Variants in TSPAN5 observed in about 807,000 individuals in gnomAD.
The protein encoded by TSPAN5 is tetraspanin 5, also known as tetraspanin-5.
Under a neutral mutation model 37.1 loss-of-function variants are expected in TSPAN5, and 10 were observed. That is an observed-to-expected ratio of 0.27 (90% CI 0.17 to 0.46). The LOEUF is 0.46. Ranked by LOEUF, TSPAN5 falls within the 20% of genes least tolerant of loss-of-function variation. The probability of loss-of-function intolerance (pLI) is 1.00; values close to 1 mark genes in which losing one functional copy is unlikely to be tolerated. For synonymous variants in TSPAN5, 110 were observed against 118.9 expected, an observed-to-expected ratio of 0.93 and a Z score of 0.48; for missense variants, 195 against 326.6, an observed-to-expected ratio of 0.60 and a Z score of 3.11.
intron 1 of TSPAN5, among the ~76,000 whole-genome samples, chr4:98,650,511 T>C (rs978243773): frequency 6.6e-6 from 1 of 151,856 alleles, no homozygotes; most frequent in African/African-American, 2.4e-5. Context: ...GAACCAAGAA[T>C]CTCACTGTCA....
intron 1 of TSPAN5, among the ~76,000 whole-genome samples, chr4:98,549,916 A>T: frequency 6.7e-6 from 1 of 150,372 alleles, no homozygotes. Context: ...CTCCATTTTT[A>T]TTTTCATTGT....
intron 1 of TSPAN5, among the ~76,000 whole-genome samples, chr4:98,620,077 C>A (rs1406579919): frequency 2.0e-5 from 3 of 152,174 alleles, no homozygotes; most frequent in African/African-American, 4.8e-5. Context: ...TGAAACTCCT[C>A]CCACTGAGAG....
intron 1 of TSPAN5, among the ~76,000 whole-genome samples, chr4:98,561,900 G>A: frequency 6.6e-6 from 1 of 152,188 alleles, no homozygotes; most frequent in East Asian, 1.9e-4. Context: ...GCTGCGTCCT[G>A]AAATTCCAGC....
At chr4:98,484,827 T>G in intron 3 of TSPAN5, 1 of 281,846 alleles carries the variant, frequency 3.5e-6, no homozygotes, top group East Asian at 9.0e-5. Flanking sequence ...ATTCAGAGGA[T>G]CCCAGCCAGG....
At chr4:98,495,507 G>A (rs1306142832) in intron 2 of TSPAN5, among the ~76,000 whole-genome samples, 1 of 143,650 alleles carries the variant, frequency 7.0e-6, no homozygotes, top group African/African-American at 2.6e-5. Context: ...ACTACAGCCC[G>A]GGAGACAGAG....
chr4:98,587,725 T>C (rs1393154719), intron 1 of TSPAN5, among the ~76,000 whole-genome samples: 1 of 151,968 alleles, frequency 6.6e-6, no homozygotes, highest in Non-Finnish European at 1.5e-5. Flanking sequence ...CTGTCTCTAC[T>C]AAAATACAAA....
At chr4:98,491,013 T>G (rs1233873182) in intron 2 of TSPAN5, among the ~76,000 whole-genome samples, 16 of 151,820 alleles carry the variant, frequency 1.1e-4, no homozygotes, top group Admixed American at 8.5e-4. Flanking sequence ...AGTGAGCCGA[T>G]ATCGCACCAC....
At chr4:98,571,889 T>C (rs1038662174) in intron 1 of TSPAN5, among the ~76,000 whole-genome samples, 13 of 152,222 alleles carry the variant, frequency 8.5e-5, no homozygotes, top group African/African-American at 3.1e-4. Context: ...CCAAAATTTC[T>C]GCTGTCAATG....
rs143092959 is a variant in TSPAN5, at chr4:98,543,945, A to G, written c.82-36217T>C. On this transcript the variant is annotated intron_variant, in intron 1 of 7. Transcript: ENST00000305798. ...TAATCCCAAATACTTTGGGAGGCCG[A>G]GGCAGGAGGATTGTCTGGGGCCAGG... is the stretch of plus-strand genomic sequence containing the variant. Among the ~76,000 whole-genome samples the G allele has an allele frequency of 7.9e-3, 1,205 of 152,154 alleles. 29 individuals carry two copies. Among genetic ancestry groups the G allele is most frequent in the Middle Eastern group, 0.068 (20 of 294 alleles).
intron 1 of TSPAN5, among the ~76,000 whole-genome samples, chr4:98,634,445 A>T (rs1756811867): frequency 6.6e-6 from 1 of 150,700 alleles, no homozygotes; most frequent in South Asian, 2.1e-4. Flanking sequence ...TCCATTTCAA[A>T]TACTGTCAAT....
At chr4:98,571,665 T>C (rs1305286768) in intron 1 of TSPAN5, among the ~76,000 whole-genome samples, 1 of 152,138 alleles carries the variant, frequency 6.6e-6, no homozygotes, top group Non-Finnish European at 1.5e-5. Flanking sequence ...GGTGGAAGGT[T>C]AGCCTTGAGG....
intron 1 of TSPAN5, among the ~76,000 whole-genome samples, chr4:98,598,099 C>T (rs1349505295): frequency 2.0e-4 from 20 of 101,032 alleles, no homozygotes; most frequent in Non-Finnish European, 2.2e-4. Flanking sequence ...ATTTCGTGGG[C>T]GTAGGACCCT....
chr4:98,592,707 G>A (rs1452071250), intron 1 of TSPAN5, among the ~76,000 whole-genome samples: 5 of 149,538 alleles, frequency 3.3e-5, no homozygotes, highest in African/African-American at 4.9e-5. Context: ...TTGTTCTTGC[G>A]ATAGTTTACT....
chr4:98,516,029 G>A (rs945125170), intron 1 of TSPAN5, among the ~76,000 whole-genome samples: 1 of 152,146 alleles, frequency 6.6e-6, no homozygotes. Context: ...ATGATATCCT[G>A]TGTGAATGGG....
chr4:98,623,246 G>T (rs1177312011), intron 1 of TSPAN5, among the ~76,000 whole-genome samples: 1 of 152,188 alleles, frequency 6.6e-6, no homozygotes, highest in African/African-American at 2.4e-5. Flanking sequence ...CAAGGGAACT[G>T]CATGAAAAGA....
At chr4:98,494,944 G>C (rs1753167639) in intron 2 of TSPAN5, among the ~76,000 whole-genome samples, 1 of 152,186 alleles carries the variant, frequency 6.6e-6, no homozygotes, top group Non-Finnish European at 1.5e-5. Context: ...GCTGAAGCCA[G>C]GAGTAGGCAG....
chr4:98,516,491 TCC>T (rs1753731718), intron 1 of TSPAN5, among the ~76,000 whole-genome samples: 1 of 152,180 alleles, frequency 6.6e-6, no homozygotes, highest in Non-Finnish European at 1.5e-5. Context: ...TTCCATGCAA[TCC>T]CCTGGGCTCC....
chr4:98,517,464 G>A (rs1354520303), intron 1 of TSPAN5, among the ~76,000 whole-genome samples: 1 of 152,048 alleles, frequency 6.6e-6, no homozygotes, highest in African/African-American at 2.4e-5. Context: ...TTTTGGAACT[G>A]TGTTCTCTGT....
chr4:98,571,525 G>C (rs897363170), intron 1 of TSPAN5, among the ~76,000 whole-genome samples: 1 of 149,338 alleles, frequency 6.7e-6, no homozygotes, highest in Non-Finnish European at 1.5e-5. Flanking sequence ...CTACTAAACT[G>C]ATAACAGCAT....
Sources: gnomAD v4.1 joint callset for allele counts (sites outside exome capture counted in the v4.1 genomes callset) on GRCh38, gnomAD v4.1.1 for gene constraint, MANE v1.5 for transcripts, NCBI Gene and HGNC (gene_info 2026-07-23, HGNC 2026-07-21) for gene names.